Variants in KIAA1671 observed in about 807,000 individuals in gnomAD.
KIAA1671 encodes the protein uncharacterized protein KIAA1671.
A neutral mutation model predicts 131.2 loss-of-function variants in KIAA1671; 52 were observed. The ratio of observed to expected loss-of-function variants is 0.40; its 90% CI spans 0.32 to 0.50. KIAA1671 has a LOEUF of 0.50. KIAA1671 is among the 20% of genes least tolerant of loss of function. The pLI is 0.73. For synonymous variants in KIAA1671, 1,003 were observed against 961.6 expected, an observed-to-expected ratio of 1.04 and a Z score of -0.80; for missense variants, 2,360 against 2,364.2, an observed-to-expected ratio of 1.00 and a Z score of 0.04.
intron 6 of KIAA1671, among the ~76,000 whole-genome samples, chr22:25,119,515 G>T (rs1411952327): frequency 2.0e-5 from 3 of 152,236 alleles, no homozygotes; most frequent in African/African-American, 7.2e-5. Context: ...GAGAAAACAG[G>T]CAGGGTCTTT....
intron 12 of KIAA1671, 63 bp downstream of exon 12, chr22:25,190,847 AG>A: frequency 9.0e-7 from 1 of 1,116,162 alleles, no homozygotes. Flanking sequence ...TGGGGAACTC[AG>A]GGGGGCCACG....
At chr22:25,115,727 A>G (rs1931617969) in intron 6 of KIAA1671, among the ~76,000 whole-genome samples, 1 of 152,118 alleles carries the variant, frequency 6.6e-6, no homozygotes, top group Admixed American at 6.6e-5. Flanking sequence ...GGTGCATATA[A>G]CTTGCATGTC....
rs1417922744 is a variant in KIAA1671, at chr22:25,192,398, C to T, written c.*5-8C>T. On this transcript the variant is annotated splice_region_variant and splice_polypyrimidine_tract_variant and intron_variant, in intron 12 of 12. Coordinates refer to ENST00000358431, the MANE Select transcript of KIAA1671 (RefSeq NM_001145206.2). ...CTGCTGACACCAGTACTGTCCCTTCCTCTCCAGGCAGGGAACACTGCCACA... is the reference window on the plus strand; with the variant it reads ...CTGCTGACACCAGTACTGTCCCTTCTTCTCCAGGCAGGGAACACTGCCACA... 1 of 152,214 alleles carries T rather than the reference C, an allele frequency of 6.6e-6. No individual in the cohort carries two copies. The highest frequency in any genetic ancestry group is 1.5e-5 in the Non-Finnish European group (1 of 68,056). 9.4% of individuals were successfully genotyped at this position (152,214 alleles called of 1,614,324 possible). A position where few individuals can be genotyped will look rare whatever the true frequency, so the allele number is the denominator to read the frequency against.
At chr22:25,055,380 G>A (rs1444560888) in intron 6 of KIAA1671, 1 of 149,744 alleles carries the variant, frequency 6.7e-6, no homozygotes, top group African/African-American at 2.4e-5. Context: ...CAAAATGAAA[G>A]ACCACACAAG....
intron 9 of KIAA1671, among the ~76,000 whole-genome samples, chr22:25,178,157 G>A (rs1036395282): frequency 6.6e-6 from 1 of 152,164 alleles, no homozygotes; most frequent in Non-Finnish European, 1.5e-5. Context: ...TACAAAGACA[G>A]CCTCCCCCAC....
In KIAA1671 at chr22:25,039,880, C is replaced by T; in HGVS notation, c.2750C>T (p.Ala917Val). ...AVQKGPFIVA[A>V]REGDPGPAQV... ...CAGAAAGGGCCCTTCATTGTAGCCG[C>T]CAGGGAGGGTGATCCAGGGCCGGCC... The change falls in exon 5 of 13, where the codon GCC becomes GTC. Residue 917 changes from alanine (A) to valine (V), a missense_variant. Transcript: ENST00000358431. 6.4e-7 allele frequency: 1 copy of T among 1,551,524 alleles called. No homozygotes were observed. Among genetic ancestry groups the T allele is most frequent in the South Asian group, 1.2e-5 (1 of 84,028 alleles).
At chr22:25,096,893 GTC>G (rs1404515403) in intron 6 of KIAA1671, among the ~76,000 whole-genome samples, 2 of 152,186 alleles carry the variant, frequency 1.3e-5, no homozygotes, top group Admixed American at 6.5e-5. Flanking sequence ...CTTCATCAGT[GTC>G]TCTCACTTAG....
chr22:24,964,778 A>G (rs1400069505), intron 1 of KIAA1671, among the ~76,000 whole-genome samples: 1 of 152,020 alleles, frequency 6.6e-6, no homozygotes, highest in African/African-American at 2.4e-5. Flanking sequence ...GAGGAAACTG[A>G]GTTTTGGAGA....
At position 25,088,144 on chromosome 22, in the gene KIAA1671, G is replaced by A. The variant is rs143222302; in HGVS notation, c.4530+38780G>A. On this transcript the variant is annotated intron_variant, in intron 6 of 12. Transcript: ENST00000358431. ...TTTTTTTGAGACAGAGTCTCACCCCGTCGCCCAGGCTGGAGTGCAGTGGTG... is the reference window on the plus strand; with the variant it reads ...TTTTTTTGAGACAGAGTCTCACCCCATCGCCCAGGCTGGAGTGCAGTGGTG... 2.1e-3 allele frequency among the ~76,000 whole-genome samples: 311 copies of A among 147,896 alleles called. 2 individuals are homozygous for A. Among genetic ancestry groups the A allele is most frequent in the African/African-American group, 7.5e-3 (295 of 39,392 alleles).
At chr22:25,042,102 G>A (rs1926960385) in intron 5 of KIAA1671, among the ~76,000 whole-genome samples, 1 of 152,174 alleles carries the variant, frequency 6.6e-6, no homozygotes, top group African/African-American at 2.4e-5. Flanking sequence ...CATTTATCAA[G>A]AGAATCTGAA....
chr22:24,973,627 C>T (rs112182051), intron 1 of KIAA1671, among the ~76,000 whole-genome samples: 1,748 of 151,942 alleles, frequency 0.012, 27 homozygotes, highest in African/African-American at 0.039. Flanking sequence ...AAGTCCTGAC[C>T]TCAAGTGACC....
chr22:25,106,358 C>T (rs1931005680), intron 6 of KIAA1671, among the ~76,000 whole-genome samples: 1 of 152,172 alleles, frequency 6.6e-6, no homozygotes, highest in Admixed American at 6.5e-5. Context: ...TCAGTAAGGG[C>T]AGTTCTCCAG....
At chr22:25,070,534 T>TC in intron 6 of KIAA1671, 1 of 405,184 alleles carries the variant, frequency 2.5e-6, no homozygotes, top group Non-Finnish European at 4.4e-6. Context: ...CTGTTTTCTT[T>TC]AAGAAATGGT....
intron 6 of KIAA1671, among the ~76,000 whole-genome samples, chr22:25,132,818 G>T (rs1258644428): frequency 1.3e-5 from 2 of 152,224 alleles, no homozygotes; most frequent in Non-Finnish European, 1.5e-5. Flanking sequence ...ACTTTAGGAG[G>T]CCAAGGCAGG....
chr22:24,969,179 G>C (rs1181742683), intron 1 of KIAA1671, among the ~76,000 whole-genome samples: 2 of 152,200 alleles, frequency 1.3e-5, no homozygotes, highest in African/African-American at 4.8e-5. Flanking sequence ...GGCACTACAG[G>C]TGTGAGCCAC....
rs761192547 is a variant in KIAA1671 at position 25,074,514 on chromosome 22, AAAAG to A, written c.4530+25162_4530+25165del. Among the ~76,000 whole-genome samples, 4 of 117,426 alleles carry A rather than the reference AAAAG, an allele frequency of 3.4e-5. 1 individual carries two copies. Among genetic ancestry groups the A allele is most frequent in the South Asian group, 5.5e-4 (2 of 3,642 alleles). The allele number at this position is 117,426 out of a possible 152,430, so 77.0% of individuals were successfully genotyped here. ...TGTGTCTCAAAAAAAAAAAAAAAAA[AAAAG>A]AAAGAAAGAAATTGAGGCATATATA... On this transcript the variant is annotated intron_variant, in intron 6 of 12. Coordinates refer to ENST00000358431, the MANE Select transcript of KIAA1671 (RefSeq NM_001145206.2).
In KIAA1671 at chr22:25,041,208, G is replaced by A. The variant is rs1461259229; in HGVS notation, c.4078G>A (p.Val1360Ile). The stretch of plus-strand genomic sequence containing the variant: ...TGGTCGGGAGGATCCAGGCAGTGGG[G>A]TCAGGGTGTCACCCAAATCGCCCCC... ...PSGREDPGSG[V>I]RVSPKSPPTD... The change falls in exon 5 of 13, where the codon GTC (valine) becomes ATC (isoleucine). Residue 1360 changes from valine to isoleucine, a missense_variant. Physicochemically the swap from Val to Ile is conservative, Grantham distance 29 (BLOSUM62 3). Around this residue, in one of 3 missense-constraint regions of KIAA1671, gnomAD observed 1,161 missense variants for 1,204.7 expected, o/e 0.96. Coordinates refer to ENST00000358431, the MANE Select transcript of KIAA1671 (RefSeq NM_001145206.2). 5.8e-6 allele frequency: 9 copies of A among 1,551,662 alleles called. No individual in the cohort carries two copies. In the African/African-American group the frequency reaches 9.6e-5, roughly 17 times the overall value.
chr22:25,183,073 CCT>C (rs36119868), intron 10 of KIAA1671, among the ~76,000 whole-genome samples: 10,861 of 152,188 alleles, frequency 0.071, 1,244 homozygotes, highest in African/African-American at 0.24. Context: ...CTTTTGCCCC[CCT>C]GTTTCAGACA....
At chr22:25,038,455 G>A (rs1359951025) in intron 4 of KIAA1671, among the ~76,000 whole-genome samples, 1 of 152,238 alleles carries the variant, frequency 6.6e-6, no homozygotes, top group Non-Finnish European at 1.5e-5. Flanking sequence ...TCTTGTTTGT[G>A]TAGGCTTGTG....
Sources: gnomAD v4.1 joint callset for allele counts (sites outside exome capture counted in the v4.1 genomes callset) on GRCh38, gnomAD v4.1.1 for gene constraint, gnomAD v4.1.1 regional missense constraint, MANE v1.5 for transcripts, NCBI Gene and HGNC (gene_info 2026-07-23, HGNC 2026-07-21) for gene names.